DNAH17: variants seen among roughly 807,000 people sequenced by gnomAD.
DNAH17 encodes dynein axonemal heavy chain 17.
DNAH17 carries 376 observed loss-of-function variants against 485.6 expected under a neutral mutation model. The ratio of observed to expected loss-of-function variants is 0.77; its 90% CI spans 0.71 to 0.84. The LOEUF (loss-of-function observed/expected upper bound fraction) is 0.84, where lower values mean the gene tolerates loss of function less well. Among genes scored for constraint, DNAH17 ranks in the 40% least tolerant of loss-of-function variants. The pLI, the probability that DNAH17 is intolerant of heterozygous loss-of-function variation, is 0.00. For missense variants in DNAH17, 6,370 were observed against 5,839.3 expected, an observed-to-expected ratio of 1.09 and a Z score of -2.96; for synonymous variants, 3,031 against 2,405.9, an observed-to-expected ratio of 1.26 and a Z score of -7.60.
chr17:78,555,937 C>T (rs558509205), intron 14 of DNAH17, among the ~76,000 whole-genome samples: 1 of 152,326 alleles, frequency 6.6e-6, no homozygotes, highest in African/African-American at 2.4e-5. Context: ...ACCATCTGTT[C>T]CCCTAGTTGT....
chr17:78,464,855 C>T (rs685099), intron 56 of DNAH17, among the ~76,000 whole-genome samples: 103,086 of 152,194 alleles, frequency 0.68, 37,110 homozygotes, highest in East Asian at 0.88. Flanking sequence ...AACCCAACAG[C>T]CCACCTTGGT....
chr17:78,462,791 G>A, intron 57 of DNAH17, 53 bp downstream of exon 57: 4 of 1,578,724 alleles, frequency 2.5e-6, no homozygotes, highest in Non-Finnish European at 3.5e-6. Context: ...AGCAGCTCCT[G>A]CGAGGCCTCC....
intron 44 of DNAH17, chr17:78,489,896 G>C (rs1226539746): frequency 3.9e-5 from 6 of 151,956 alleles, no homozygotes. Context: ...GTGACCTCCA[G>C]CCAAGACGCT....
At chr17:78,465,091 C>T (rs983142266) in intron 56 of DNAH17, among the ~76,000 whole-genome samples, 6 of 152,314 alleles carry the variant, frequency 3.9e-5, no homozygotes, top group African/African-American at 4.8e-5. Flanking sequence ...CAGGCTCGCG[C>T]CGCCACGCCT....
Position 78,441,133 on chromosome 17 carries a change from G to A in DNAH17, c.11595C>T (p.Ser3865=). ...VEGRSVEFSK[S]YEESSPSTSI... is the part of the protein sequence containing the mutation. ...ACGTGGAGGGGCTGCTCTCCTCGTA[G>A]GACTTAGAAAACTCAACACTCCGGC... The change falls in exon 72 of 81, where the codon TCC becomes TCT. Residue 3865 remains serine (S), a synonymous_variant. Coordinates refer to ENST00000389840, the MANE Select transcript of DNAH17 (RefSeq NM_173628.4). 6.2e-7 allele frequency: 1 copy of A among 1,613,940 alleles called. No individual in the cohort carries two copies. Among genetic ancestry groups the A allele is most frequent in the South Asian group, 1.1e-5 (1 of 91,082 alleles).
chr17:78,443,625 C>T (rs1044638421), intron 71 of DNAH17, among the ~76,000 whole-genome samples: 2 of 152,224 alleles, frequency 1.3e-5, no homozygotes, highest in African/African-American at 4.8e-5. Flanking sequence ...TCTCGGCCCA[C>T]TGCAGCCTCC....
chr17:78,450,813 T>C lies in DNAH17; in HGVS notation c.10768A>G (p.Ile3590Val), dbSNP rs1225171207. 2.5e-6 allele frequency: 4 copies of C among 1,613,846 alleles called. No individual in the cohort carries two copies. Among genetic ancestry groups the C allele is most frequent in the African/African-American group, 2.7e-5 (2 of 74,930 alleles). ...GAATCTTCCAGCTCTTTCAGAACAA[T>C]CTTAAATTCGTTTTGAGACTTGGTG... ...NLTKSQNEFK[I>V]VLKELEDSLL... Residue 3590 changes from isoleucine (I) to valine (V), a missense_variant, in exon 67 of 81, where the codon ATT becomes GTT. Transcript: ENST00000389840.
At chr17:78,474,161 A>T (rs1457968401) in intron 54 of DNAH17, among the ~76,000 whole-genome samples, 1 of 152,206 alleles carries the variant, frequency 6.6e-6, no homozygotes, top group Non-Finnish European at 1.5e-5. Context: ...CACTGGCTCC[A>T]GGTCTGCCTG....
At chr17:78,545,976 T>C (rs1271345625) in intron 16 of DNAH17, among the ~76,000 whole-genome samples, 2 of 21,640 alleles carry the variant, frequency 9.2e-5, no homozygotes, top group Non-Finnish European at 2.1e-4. Context: ...CATTTGAAAT[T>C]TTTTTTTTTT....
At chr17:78,445,774 C>A in intron 69 of DNAH17, 94 bp from the exon 70 acceptor site, 1 of 1,429,808 alleles carries the variant, frequency 7.0e-7, no homozygotes, top group Non-Finnish European at 9.5e-7. Flanking sequence ...AGTTCACACT[C>A]CCGGCCTGCA....
chr17:78,526,086 C>G (rs1431205105), intron 24 of DNAH17, among the ~76,000 whole-genome samples: 2 of 152,240 alleles, frequency 1.3e-5, no homozygotes, highest in African/African-American at 4.8e-5. Flanking sequence ...ACCCCACATG[C>G]TCCTGCCCAC....
At chr17:78,575,877 A>G (rs1413222529) in intron 1 of DNAH17, among the ~76,000 whole-genome samples, 1 of 152,262 alleles carries the variant, frequency 6.6e-6, no homozygotes, top group Non-Finnish European at 1.5e-5. Context: ...ATGCAAACAA[A>G]TTTATGAACA....
chr17:78,529,403 G>T, intron 22 of DNAH17, 69 bp downstream of exon 22: 2 of 1,480,948 alleles, frequency 1.4e-6, no homozygotes, highest in Non-Finnish European at 9.4e-7. Flanking sequence ...TTGATGGGCT[G>T]GTCCATGGTC....
intron 12 of DNAH17, 80 bp from the exon 13 acceptor site, chr17:78,561,015 G>T (rs951778540): frequency 2.4e-5 from 33 of 1,383,394 alleles, no homozygotes; most frequent in Non-Finnish European, 2.9e-5. Context: ...GTTGCTGCCC[G>T]ATCTGGGGTG....
rs762862878 is a variant in DNAH17 at position 78,501,206 on chromosome 17, C to T, written c.5461G>A (p.Val1821Ile). 1 of 1,588,032 alleles carries T rather than the reference C, an allele frequency of 6.3e-7. No homozygotes were observed. The highest frequency in any genetic ancestry group is 8.6e-7 in the Non-Finnish European group (1 of 1,160,634). The change falls in exon 35 of 81, where the codon GTC becomes ATC. Residue 1821 changes from valine to isoleucine, a missense_variant. Physicochemically the swap from Val to Ile is conservative, Grantham distance 29. Coordinates refer to ENST00000389840, the MANE Select transcript of DNAH17 (RefSeq NM_173628.4). ...CACCTGTCAGTGAGTGGGGTGATGACCAGCCGCGGCGTGTTGCCCAGATAC... is the reference window on the plus strand; with the variant it reads ...CACCTGTCAGTGAGTGGGGTGATGATCAGCCGCGGCGTGTTGCCCAGATAC... ...YEYLGNTPRL[V>I]ITPLTDRCYI...
At chr17:78,543,075 A>G (rs972579032) in intron 17 of DNAH17, among the ~76,000 whole-genome samples, 11 of 152,148 alleles carry the variant, frequency 7.2e-5, no homozygotes, top group Non-Finnish European at 1.3e-4. Context: ...AGGGTGGTCT[A>G]CTACTTAAAG....
intron 16 of DNAH17, among the ~76,000 whole-genome samples, chr17:78,544,945 GTTTT>G (rs935232787): frequency 2.7e-4 from 40 of 150,744 alleles, no homozygotes; most frequent in African/African-American, 8.3e-4. Flanking sequence ...CACCTAATAA[GTTTT>G]TTTTGTCAAA....
At chr17:78,468,424 C>T (rs537310586) in intron 55 of DNAH17, among the ~76,000 whole-genome samples, 193 bp downstream of exon 55, 1 of 152,146 alleles carries the variant, frequency 6.6e-6, no homozygotes, top group Admixed American at 6.5e-5. Flanking sequence ...CCCAAGATAC[C>T]TCTAACGACC....
chr17:78,484,607 G>A (rs1044050983), intron 48 of DNAH17, among the ~76,000 whole-genome samples: 8 of 152,078 alleles, frequency 5.3e-5, no homozygotes, highest in African/African-American at 1.2e-4. Flanking sequence ...GGCCACTGCT[G>A]CATGTTTGTG....
Sources: gnomAD v4.1 joint callset for allele counts (sites outside exome capture counted in the v4.1 genomes callset) on GRCh38, gnomAD v4.1.1 for gene constraint, MANE v1.5 for transcripts, NCBI Gene and HGNC (gene_info 2026-07-23, HGNC 2026-07-21) for gene names.